The following MCC variants were observed in gnomAD, a reference collection of about 807,000 sequenced individuals.
The protein encoded by MCC is MCC regulator of Wnt signaling pathway.
In MCC, 90 loss-of-function variants were observed where a neutral mutation model predicts 116.2. The observed-to-expected ratio is 0.77, with a 90% CI of 0.65 to 0.92. The LOEUF is 0.92. Ranked by LOEUF, MCC falls within the 40% of genes least tolerant of loss-of-function variation. MCC has a pLI of 0.00. For missense variants in MCC, 1,516 were observed against 1,312.2 expected (o/e 1.16, Z -2.40); for synonymous variants, 578 against 510.5 (o/e 1.13, Z -1.78).
chr5:113,093,353 G>A (rs756403832), intron 8 of MCC, among the ~76,000 whole-genome samples: 47 of 152,084 alleles, frequency 3.1e-4, no homozygotes, highest in Non-Finnish European at 5.4e-4. Context: ...CAGGAGGATC[G>A]CTTAGCTTAG....
intron 2 of MCC, among the ~76,000 whole-genome samples, chr5:113,357,956 G>T (rs533133559): frequency 6.6e-6 from 1 of 152,244 alleles, no homozygotes; most frequent in Admixed American, 6.5e-5. Context: ...ACTTCCTTTT[G>T]TTCCTGCCCT....
chr5:113,104,118 C>T lies in MCC; in HGVS notation c.1191+74G>A. ...CCCTAGTAAGTATTTAAGAAAACTG[C>T]ACTTCAAGAGAAGGATTGGACCATT... On this transcript the variant is annotated intron_variant, in intron 7 of 18. Coordinates refer to ENST00000408903, the MANE Select transcript of MCC (RefSeq NM_001085377.2). 4.3e-6 allele frequency: 6 copies of T among 1,392,914 alleles called. No individual in the cohort carries two copies. In the South Asian group the frequency reaches 8.6e-5, roughly 20 times the overall value. The allele number at this position is 1,392,914 out of a possible 1,614,324, so 86.3% of individuals were successfully genotyped here.
intron 3 of MCC, among the ~76,000 whole-genome samples, chr5:113,154,405 C>T (rs1447717268): frequency 1.3e-5 from 2 of 152,238 alleles, no homozygotes; most frequent in Non-Finnish European, 2.9e-5. Context: ...ACCAACCAGC[C>T]ATAAGCCACA....
intron 3 of MCC, among the ~76,000 whole-genome samples, chr5:113,193,048 C>T (rs117158017): frequency 1.3e-5 from 2 of 152,318 alleles, no homozygotes; most frequent in East Asian, 3.9e-4. Context: ...TTCCTCAGCT[C>T]TTCCTATTCT....
chr5:113,076,060 A>G (rs1754430856), intron 11 of MCC, among the ~76,000 whole-genome samples: 1 of 152,160 alleles, frequency 6.6e-6, no homozygotes, highest in Admixed American at 6.5e-5. Context: ...CTCCAGACAC[A>G]CCATCTTTAA....
At chr5:113,135,998 T>C (rs1758798289) in intron 5 of MCC, among the ~76,000 whole-genome samples, 1 of 152,086 alleles carries the variant, frequency 6.6e-6, no homozygotes, top group Non-Finnish European at 1.5e-5. Context: ...TGAGCCCAGA[T>C]TGCGCCACTG....
At chr5:113,339,514 T>G (rs1448789607) in intron 3 of MCC, among the ~76,000 whole-genome samples, 4 of 151,980 alleles carry the variant, frequency 2.6e-5, no homozygotes, top group South Asian at 2.1e-4. Flanking sequence ...TTCCATTTAG[T>G]TGTCGTATTT....
At chr5:113,068,767 C>G (rs1753808097) in intron 12 of MCC, among the ~76,000 whole-genome samples, 1 of 152,210 alleles carries the variant, frequency 6.6e-6, no homozygotes, top group African/African-American at 2.4e-5. Context: ...GGCCTCCAGC[C>G]AACAGCCAGG....
At chr5:113,278,478 C>A (rs1297308265) in intron 3 of MCC, among the ~76,000 whole-genome samples, 1 of 152,164 alleles carries the variant, frequency 6.6e-6, no homozygotes, top group African/African-American at 2.4e-5. Context: ...ACGGGGAACA[C>A]AGGAGAGGAG....
intron 2 of MCC, among the ~76,000 whole-genome samples, chr5:113,351,918 A>T (rs758269674): frequency 6.6e-6 from 1 of 152,204 alleles, no homozygotes. Context: ...ATGTTAACAG[A>T]CCTAAACCCA....
intron 3 of MCC, chr5:113,269,112 A>C (rs1765519794): frequency 2.1e-6 from 2 of 942,680 alleles, no homozygotes; most frequent in Non-Finnish European, 2.5e-6. Flanking sequence ...GAAGGAAATA[A>C]AAGTCAGACC....
chr5:113,265,025 G>T (rs1295912525), intron 3 of MCC, among the ~76,000 whole-genome samples: 1 of 151,892 alleles, frequency 6.6e-6, no homozygotes, highest in Non-Finnish European at 1.5e-5. Flanking sequence ...TGGAGGCAGA[G>T]CAAGACTGTC....
At chr5:113,289,328 C>CA (rs11388557) in intron 3 of MCC, among the ~76,000 whole-genome samples, 23,030 of 85,652 alleles carry the variant, frequency 0.27, 2,285 homozygotes, top group Non-Finnish European at 0.29. Flanking sequence ...GGCTCCATCT[C>CA]AAAAAAAAAA....
At chr5:113,257,217 G>T (rs779578871) in intron 3 of MCC, among the ~76,000 whole-genome samples, 3 of 152,100 alleles carry the variant, frequency 2.0e-5, no homozygotes, top group Non-Finnish European at 4.4e-5. Context: ...ACCACTTCTG[G>T]TCATCCTGGC....
At chr5:113,348,941 C>T (rs544165045) in intron 2 of MCC, among the ~76,000 whole-genome samples, 1 of 151,974 alleles carries the variant, frequency 6.6e-6, no homozygotes, top group African/African-American at 2.4e-5. Flanking sequence ...ATGCCAATAA[C>T]TTGGAAAACC....
intron 1 of MCC, among the ~76,000 whole-genome samples, chr5:113,427,049 T>A (rs1025342939): frequency 1.3e-5 from 2 of 152,192 alleles, no homozygotes; most frequent in Admixed American, 6.5e-5. Flanking sequence ...ATATTTTTTC[T>A]ATCCCTATGT....
At chr5:113,414,839 T>C (rs191627070) in intron 1 of MCC, among the ~76,000 whole-genome samples, 26 of 152,332 alleles carry the variant, frequency 1.7e-4, no homozygotes, top group African/African-American at 6.0e-4. Flanking sequence ...TGCCCGTTAG[T>C]TGATGCAGTT....
intron 1 of MCC, among the ~76,000 whole-genome samples, chr5:113,466,148 G>T (rs1771898684): frequency 6.7e-6 from 1 of 149,830 alleles, no homozygotes; most frequent in Non-Finnish European, 1.5e-5. Flanking sequence ...ATCTAGGAGG[G>T]TAGGTGAAGT....
intron 3 of MCC, chr5:113,203,146 T>C (rs1414854719): frequency 6.6e-6 from 1 of 152,240 alleles, no homozygotes; most frequent in Non-Finnish European, 1.5e-5. Flanking sequence ...GGGCTCCCTC[T>C]TGCCCCACCG....
Sources: gnomAD v4.1 joint callset for allele counts (sites outside exome capture counted in the v4.1 genomes callset) on GRCh38, gnomAD v4.1.1 for gene constraint, MANE v1.5 for transcripts, NCBI Gene and HGNC (gene_info 2026-07-23, HGNC 2026-07-21) for gene names.